Variants in AEBP2 observed in about 807,000 individuals in gnomAD.
AEBP2 encodes AE binding protein 2, also known as zinc finger protein AEBP2.
In AEBP2, 10 loss-of-function variants were observed where a neutral mutation model predicts 50.8. That is an observed-to-expected ratio of 0.20 (90% CI 0.12 to 0.33). The LOEUF (loss-of-function observed/expected upper bound fraction) is 0.33, where lower values mean the gene tolerates loss of function less well. Ranked by LOEUF, AEBP2 falls within the 10% of genes least tolerant of loss-of-function variation. AEBP2 has a pLI of 1.00. For synonymous variants in AEBP2, 296 were observed against 261.3 expected (o/e 1.13, Z -1.28); for missense variants, 570 against 688.0 (o/e 0.83, Z 1.92).
intron 5 of AEBP2, among the ~76,000 whole-genome samples, chr12:19,507,721 C>G (rs781172705): frequency 6.6e-6 from 1 of 152,178 alleles, no homozygotes; most frequent in African/African-American, 2.4e-5. Flanking sequence ...ATAAGGTCTT[C>G]GCTGGACACA....
At chr12:19,503,017 G>A (rs192274255) in intron 5 of AEBP2, among the ~76,000 whole-genome samples, 186 of 152,226 alleles carry the variant, frequency 1.2e-3, no homozygotes, top group Non-Finnish European at 2.3e-3. Flanking sequence ...GTTTGAAGTC[G>A]GGTAAGGTGG....
intron 3 of AEBP2, 118 bp from the exon 4 acceptor site, chr12:19,493,682 G>T: frequency 1.0e-6 from 1 of 961,922 alleles, no homozygotes; most frequent in South Asian, 2.0e-5. Context: ...TTCCTTTCTG[G>T]AATTAGTTCT....
intron 3 of AEBP2, among the ~76,000 whole-genome samples, chr12:19,489,999 T>TC: frequency 7.2e-6 from 1 of 139,116 alleles, no homozygotes; most frequent in Non-Finnish European, 1.6e-5. Context: ...ACTTTTTTTT[T>TC]TTTTTTTTTT....
At chr12:19,414,488 GGCACT>G (rs1359093538) in intron 1 of AEBP2, among the ~76,000 whole-genome samples, 2 of 152,136 alleles carry the variant, frequency 1.3e-5, no homozygotes, top group Non-Finnish European at 2.9e-5. Flanking sequence ...GAATAGGCCT[GGCACT>G]AGGATGAGGT....
intron 1 of AEBP2, chr12:19,456,386 T>C: frequency 7.3e-7 from 1 of 1,374,704 alleles, no homozygotes; most frequent in South Asian, 1.2e-5. Flanking sequence ...GTGGGTAGTC[T>C]GAGAAGCACT....
chr12:19,474,945 A>C (rs966995738), intron 3 of AEBP2, among the ~76,000 whole-genome samples: 6 of 152,106 alleles, frequency 3.9e-5, no homozygotes, highest in Non-Finnish European at 7.3e-5. Flanking sequence ...GGCATGCGCC[A>C]TCACGCCTGG....
chr12:19,513,105 T>G (rs1306828597), intron 6 of AEBP2, among the ~76,000 whole-genome samples: 1 of 152,160 alleles, frequency 6.6e-6, no homozygotes, highest in Admixed American at 6.5e-5. Context: ...AGAGAAAATT[T>G]AAATCATTTT....
rs548256251 is a variant in AEBP2, at chr12:19,457,271, C to G, written c.672-5239C>G. ...TTCTTGGAGATACCAGCTTCAAATT[C>G]ACCAACACTGGCAGCAACAATCAGG... is the stretch of plus-strand genomic sequence containing the variant. On this transcript the variant is annotated intron_variant, in intron 1 of 7. Transcript: ENST00000266508. 6.7e-4 allele frequency: 1,063 copies of G among 1,585,614 alleles called. 6 individuals are homozygous for G. Among genetic ancestry groups the G allele is most frequent in the Middle Eastern group, 1.9e-3 (11 of 5,900 alleles).
intron 1 of AEBP2, among the ~76,000 whole-genome samples, chr12:19,432,791 G>A (rs1253281448): frequency 6.6e-6 from 1 of 152,116 alleles, no homozygotes; most frequent in East Asian, 1.9e-4. Context: ...TCCTGGGAGA[G>A]GATTTGACTT....
At chr12:19,495,761 C>T (rs1200576902) in intron 4 of AEBP2, among the ~76,000 whole-genome samples, 3 of 151,784 alleles carry the variant, frequency 2.0e-5, no homozygotes, top group African/African-American at 7.3e-5. Flanking sequence ...CCAGGCTGGT[C>T]TTGAACTCCT....
rs535376326 is a variant in AEBP2, at chr12:19,487,601, T to C, written c.988-6199T>C. On this transcript the variant is annotated intron_variant, in intron 3 of 7. Transcript: ENST00000266508. ...AGTGTGGTGGCATGCACCTGTAATC[T>C]CAGGTACTTGGGAGGCTGAGGCAGG... 4.6e-4 allele frequency among the ~76,000 whole-genome samples: 70 copies of C among 151,980 alleles called. No homozygotes were observed. In the Middle Eastern group the frequency reaches 0.01, roughly 22 times the overall value.
chr12:19,456,331 C>T, intron 1 of AEBP2: 1 of 1,418,770 alleles, frequency 7.0e-7, no homozygotes, highest in Non-Finnish European at 9.9e-7. Flanking sequence ...ATGACATCCA[C>T]TGCAACTGTC....
intron 2 of AEBP2, among the ~76,000 whole-genome samples, chr12:19,463,520 AAC>A (rs1399893056): frequency 2.6e-5 from 4 of 152,154 alleles, no homozygotes; most frequent in Non-Finnish European, 5.9e-5. Context: ...ACAGATAACT[AAC>A]ACAGTAAAAA....
intron 1 of AEBP2, among the ~76,000 whole-genome samples, chr12:19,450,270 T>C (rs1370750133): frequency 6.6e-6 from 1 of 152,042 alleles, no homozygotes; most frequent in Non-Finnish European, 1.5e-5. Flanking sequence ...ATTGTTAGGC[T>C]CAAATCTGTT....
Position 19,511,770 on chromosome 12 carries a change from T to C in AEBP2, c.1300-628T>C, listed in dbSNP as rs570151814. On this transcript the variant is annotated intron_variant, in intron 5 of 7. Coordinates refer to ENST00000266508, the MANE Select transcript of AEBP2 (RefSeq NM_153207.5). ...GGTGTTCACTGTAACACAAACATCC[T>C]TGGCCACAGAGCTTTTACTGAATCT... Among the ~76,000 whole-genome samples, 7 of 152,258 alleles carry C rather than the reference T, an allele frequency of 4.6e-5. No individual in the cohort carries two copies. The East Asian group carries it at 5.8e-4, about 13-fold the overall frequency.
intron 3 of AEBP2, among the ~76,000 whole-genome samples, chr12:19,484,516 A>G (rs1378983776): frequency 2.6e-5 from 4 of 151,918 alleles, no homozygotes; most frequent in Admixed American, 2.6e-4. Flanking sequence ...CTGGGACTAC[A>G]GGTACCCACC....
At chr12:19,437,523 C>T (rs953758621), upstream of AEBP2, among the ~76,000 whole-genome samples, 2 of 151,808 alleles carry the variant, frequency 1.3e-5, no homozygotes, top group Non-Finnish European at 2.9e-5. Context: ...ACAGGTGTGC[C>T]GTAGAGACAG....
intron 1 of AEBP2, among the ~76,000 whole-genome samples, chr12:19,421,010 T>A (rs950499058): frequency 1.3e-5 from 2 of 152,158 alleles, no homozygotes; most frequent in African/African-American, 4.8e-5. Context: ...AGTTTCTTCA[T>A]GGCTGAAGAT....
chr12:19,435,987 G>C (rs917880949), upstream of AEBP2, among the ~76,000 whole-genome samples: 3 of 152,128 alleles, frequency 2.0e-5, no homozygotes, highest in Admixed American at 1.3e-4. Flanking sequence ...AAATAAGGCT[G>C]AAACCTACTG....
Sources: allele counts gnomAD v4.1 joint callset (sites outside exome capture counted in the v4.1 genomes callset), GRCh38; gene constraint gnomAD v4.1.1; transcripts MANE v1.5; gene names NCBI Gene and HGNC (gene_info 2026-07-23, HGNC 2026-07-21).